STXBP5L: variants seen among roughly 807,000 people sequenced by gnomAD.
STXBP5L encodes the protein syntaxin-binding protein 5-like.
A neutral mutation model predicts 144.5 loss-of-function variants in STXBP5L; 65 were observed. That is an observed-to-expected ratio of 0.45 (90% confidence interval 0.37 to 0.55). The LOEUF (loss-of-function observed/expected upper bound fraction) is 0.55, where lower values mean the gene tolerates loss of function less well. Among genes scored for constraint, STXBP5L ranks in the 20% least tolerant of loss-of-function variants. STXBP5L has a pLI of 0.00. For synonymous variants in STXBP5L, 505 were observed against 469.6 expected (o/e 1.08, Z -0.97); for missense variants, 1,298 against 1,405.5 (o/e 0.92, Z 1.22).
At chr3:121,106,237 A>G (rs542831676) in intron 5 of STXBP5L, among the ~76,000 whole-genome samples, 42 of 152,262 alleles carry the variant, frequency 2.8e-4, no homozygotes, top group Admixed American at 6.5e-4. Flanking sequence ...AATCTGGGAC[A>G]ATACATTTTT....
intron 20 of STXBP5L, among the ~76,000 whole-genome samples, chr3:121,359,983 T>TATATAATATATATATCATTACTATATA (rs2045656522): frequency 1.8e-5 from 2 of 110,922 alleles, no homozygotes; most frequent in East Asian, 5.4e-4. Context: ...TAATATAATA[T>TATATAATATATATATCATTACTATATA]ATATAATATA....
At chr3:121,076,951 A>C (rs957939182) in intron 5 of STXBP5L, among the ~76,000 whole-genome samples, 1 of 152,004 alleles carries the variant, frequency 6.6e-6, no homozygotes, top group Non-Finnish European at 1.5e-5. Flanking sequence ...CAGCTGTGGA[A>C]CTGGTTCTAT....
chr3:121,236,130 G>A (rs2049475150), intron 12 of STXBP5L, among the ~76,000 whole-genome samples: 1 of 152,040 alleles, frequency 6.6e-6, no homozygotes, highest in South Asian at 2.1e-4. Flanking sequence ...GTTATAGTAG[G>A]CTTGAGGATA....
intron 20 of STXBP5L, among the ~76,000 whole-genome samples, chr3:121,333,144 A>G (rs1310731965): frequency 6.6e-6 from 1 of 152,136 alleles, no homozygotes; most frequent in African/African-American, 2.4e-5. Context: ...AAAGGCTTAA[A>G]CTCACAGGTC....
chr3:121,273,096 A>T (rs2050777315), intron 18 of STXBP5L, among the ~76,000 whole-genome samples: 1 of 152,112 alleles, frequency 6.6e-6, no homozygotes, highest in African/African-American at 2.4e-5. Context: ...ATTTACATTT[A>T]TAAGTATATT....
intron 7 of STXBP5L, among the ~76,000 whole-genome samples, chr3:121,137,297 G>A (rs1278297564): frequency 6.6e-6 from 1 of 151,984 alleles, no homozygotes; most frequent in Non-Finnish European, 1.5e-5. Flanking sequence ...TAAACTTTTA[G>A]CTACACTAAG....
chr3:121,045,436 G>T lies in STXBP5L; in HGVS notation c.371G>T (p.Gly124Val). ...VLQLQFLINE[G>V]ALVSASSDDT... Reference sequence around the variant, plus strand: ...TACTTTATCTTCTTTTTGTTCTAGGGTGCCTTGGTCAGTGCAAGTTCAGAT... The same window carrying T: ...TACTTTATCTTCTTTTTGTTCTAGGTTGCCTTGGTCAGTGCAAGTTCAGAT... Residue 124 changes from glycine to valine, a missense_variant and splice_region_variant, in exon 5 of 27, where the codon GGT becomes GTT. Physicochemically the swap from Gly to Val is moderately radical, Grantham distance 109. Coordinates refer to ENST00000471454, the MANE Select transcript of STXBP5L (RefSeq NM_001308330.2). 1.2e-6 allele frequency: 2 copies of T among 1,603,194 alleles called. No individual in the cohort carries two copies. Among genetic ancestry groups the T allele is most frequent in the Non-Finnish European group, 1.7e-6 (2 of 1,175,586 alleles).
At chr3:121,017,729 G>A (rs1297116926) in intron 3 of STXBP5L, among the ~76,000 whole-genome samples, 2 of 152,136 alleles carry the variant, frequency 1.3e-5, no homozygotes, top group African/African-American at 4.8e-5. Flanking sequence ...ATACATGTAA[G>A]ATCTATATAA....
chr3:121,338,846 G>T (rs532075107), intron 20 of STXBP5L, among the ~76,000 whole-genome samples: 11 of 152,156 alleles, frequency 7.2e-5, no homozygotes, highest in African/African-American at 2.6e-4. Context: ...GCTTGAATCA[G>T]AATGAAACAG....
chr3:121,404,853 T>C (rs2046960304), intron 22 of STXBP5L, among the ~76,000 whole-genome samples: 1 of 152,184 alleles, frequency 6.6e-6, no homozygotes, highest in Non-Finnish European at 1.5e-5. Context: ...TTGCTCAGGC[T>C]GCCATAATGA....
intron 3 of STXBP5L, among the ~76,000 whole-genome samples, chr3:120,967,363 T>A (rs1939716437): frequency 6.6e-6 from 1 of 152,090 alleles, no homozygotes; most frequent in Non-Finnish European, 1.5e-5. Flanking sequence ...AATGCAGAAA[T>A]CACCCATCTT....
At chr3:121,305,139 AC>A (rs1399880997) in intron 19 of STXBP5L, among the ~76,000 whole-genome samples, 7 of 152,156 alleles carry the variant, frequency 4.6e-5, no homozygotes, top group African/African-American at 1.7e-4. Context: ...AATATAAGTA[AC>A]CCATATCATT....
chr3:121,294,710 A>G (rs1368995850), intron 19 of STXBP5L, among the ~76,000 whole-genome samples: 1 of 152,136 alleles, frequency 6.6e-6, no homozygotes, highest in Non-Finnish European at 1.5e-5. Flanking sequence ...AGGAATTTCA[A>G]CATTTAATTT....
chr3:121,194,597 G>A (rs759957251), intron 9 of STXBP5L, among the ~76,000 whole-genome samples: 1 of 152,028 alleles, frequency 6.6e-6, no homozygotes, highest in Non-Finnish European at 1.5e-5. Context: ...GAGTTGGGAA[G>A]TGTTTCCTCC....
At chr3:121,404,026 A>G (rs1172623915) in intron 22 of STXBP5L, among the ~76,000 whole-genome samples, 6 of 152,152 alleles carry the variant, frequency 3.9e-5, no homozygotes, top group African/African-American at 1.2e-4. Flanking sequence ...TCATACATTT[A>G]TATTTATAGT....
chr3:121,231,582 C>A lies in STXBP5L; in HGVS notation c.1112-2034C>A, dbSNP rs972302051. On this transcript the variant is annotated intron_variant, in intron 11 of 26. Coordinates refer to ENST00000471454, the MANE Select transcript of STXBP5L (RefSeq NM_001308330.2). ...GCTGCTGGAGTCCTGCTACAATTAA[C>A]ATTCCCCATTTTGCTTGGAAGTTTA... Among the ~76,000 whole-genome samples the A allele has an allele frequency of 2.5e-3, 380 of 152,228 alleles. 2 individuals carry two copies. The highest frequency in any genetic ancestry group is 8.6e-3 in the African/African-American group (358 of 41,552).
intron 3 of STXBP5L, among the ~76,000 whole-genome samples, chr3:121,033,640 C>T (rs1267044510): frequency 6.6e-6 from 1 of 150,410 alleles, no homozygotes. Context: ...GTATATTTAC[C>T]CACTTGGTGT....
intron 20 of STXBP5L, among the ~76,000 whole-genome samples, chr3:121,353,473 G>A (rs1163190702): frequency 2.0e-5 from 3 of 152,124 alleles, no homozygotes; most frequent in Non-Finnish European, 4.4e-5. Context: ...TTTGCATAGA[G>A]GTGTTTATAG....
chr3:121,003,194 T>A (rs543109259), intron 3 of STXBP5L, among the ~76,000 whole-genome samples: 2 of 152,184 alleles, frequency 1.3e-5, no homozygotes, highest in African/African-American at 4.8e-5. Context: ...TGTTCCTATT[T>A]CTCCACATCC....
Sources: allele counts gnomAD v4.1 joint callset (sites outside exome capture counted in the v4.1 genomes callset), GRCh38; gene constraint gnomAD v4.1.1; transcripts MANE v1.5; gene names NCBI Gene and HGNC (gene_info 2026-07-23, HGNC 2026-07-21).